The following ABCB5 variants were observed in gnomAD, a reference collection of about 807,000 sequenced individuals.
The protein encoded by ABCB5 is ATP-binding cassette sub-family B member 5.
A neutral mutation model predicts 144.2 loss-of-function variants in ABCB5; 155 were observed. The ratio of observed to expected loss-of-function variants is 1.08; its 90% CI spans 0.94 to 1.23. ABCB5 has a LOEUF of 1.23. Among genes scored for constraint, ABCB5 ranks in the 50% most tolerant of loss-of-function variants. The pLI, the probability that ABCB5 is intolerant of heterozygous loss-of-function variation, is 0.00. For synonymous variants in ABCB5, 610 were observed against 528.6 expected, an observed-to-expected ratio of 1.15 and a Z score of -2.11; for missense variants, 1,830 against 1,520.8, an observed-to-expected ratio of 1.20 and a Z score of -3.38.
Position 20,643,649 on chromosome 7 carries a change from A to G in ABCB5, c.678+17A>G. 6.2e-7 allele frequency: 1 copy of G among 1,612,720 alleles called. No individual in the cohort carries two copies. The highest frequency in any genetic ancestry group is 8.5e-7 in the Non-Finnish European group (1 of 1,178,992). On this transcript the variant is annotated intron_variant, in intron 7 of 27. Coordinates refer to ENST00000404938, the MANE Select transcript of ABCB5 (RefSeq NM_001163941.2). ...TGTTCTAGGGTAAGTGAGATGGCTA[A>G]TGCAATATTGAATGGAAGCAGCAGT...
chr7:20,755,834 T>C lies in ABCB5; in HGVS notation c.*210T>C, dbSNP rs955350744. ...TGCTTATTTCATGTAAGTGAAATAA[T>C]GCTTATATCCTTCACTTTATAAAAC... On this transcript the variant is annotated 3_prime_UTR_variant, in exon 28 of 28. Coordinates refer to ENST00000404938, the MANE Select transcript of ABCB5 (RefSeq NM_001163941.2). 5.5e-6 allele frequency: 3 copies of C among 545,146 alleles called. No individual in the cohort carries two copies. The highest frequency in any genetic ancestry group is 9.8e-6 in the Non-Finnish European group (3 of 307,598). The allele number at this position is 545,146 out of a possible 1,614,324, so 33.8% of individuals were successfully genotyped here.
intron 3 of ABCB5, 75 bp from the exon 4 acceptor site, chr7:20,628,613 T>TTGTGTGTG (rs3033483): frequency 2.2e-6 from 3 of 1,357,754 alleles, no homozygotes; most frequent in Non-Finnish European, 1.0e-6. Context: ...CTGTAGGCTG[T>TTGTGTGTG]TGTGTGTGTG....
intron 15 of ABCB5, among the ~76,000 whole-genome samples, chr7:20,684,372 C>T (rs907271357): frequency 1.7e-4 from 26 of 152,258 alleles, no homozygotes; most frequent in African/African-American, 5.8e-4. Flanking sequence ...CTTATTAAAG[C>T]ACCTTCTCAG....
At chr7:20,635,565 G>A (rs1407812195) in intron 5 of ABCB5, among the ~76,000 whole-genome samples, 1 of 151,928 alleles carries the variant, frequency 6.6e-6, no homozygotes, top group Admixed American at 6.6e-5. Flanking sequence ...CCATTTGTTT[G>A]TATCATCTGC....
intron 3 of ABCB5, among the ~76,000 whole-genome samples, chr7:20,627,275 G>C (rs1783930133): frequency 6.6e-6 from 1 of 152,038 alleles, no homozygotes; most frequent in African/African-American, 2.4e-5. Context: ...AGCAGAACAT[G>C]ACAAACTTTA....
intron 20 of ABCB5, among the ~76,000 whole-genome samples, chr7:20,720,818 C>G (rs1406126343): frequency 6.6e-6 from 1 of 151,396 alleles, no homozygotes; most frequent in Non-Finnish European, 1.5e-5. Context: ...GTGGTGCGCG[C>G]CTGTAGTCCC....
chr7:20,696,204 T>C (rs1389070922), intron 16 of ABCB5, among the ~76,000 whole-genome samples: 4 of 152,116 alleles, frequency 2.6e-5, no homozygotes, highest in African/African-American at 4.8e-5. Flanking sequence ...ATTTGTGAGA[T>C]AGCTATACAG....
chr7:20,640,184 A>G (rs1326574627), intron 5 of ABCB5, among the ~76,000 whole-genome samples: 2 of 152,186 alleles, frequency 1.3e-5, no homozygotes, highest in African/African-American at 4.8e-5. Context: ...TCTTACTAGA[A>G]AATACAGTAA....
Position 20,637,924 on chromosome 7 carries a change from G to A in ABCB5, c.315-5260G>A, listed in dbSNP as rs138475554. ...TGACTTTTGGAATCAGAAAGCTAAG[G>A]CCTCAAGGGTGGCTTCATTTCTTGA... On this transcript the variant is annotated intron_variant, in intron 5 of 27. Coordinates refer to ENST00000404938, the MANE Select transcript of ABCB5 (RefSeq NM_001163941.2). 9.2e-5 allele frequency among the ~76,000 whole-genome samples: 14 copies of A among 152,184 alleles called. No homozygotes were observed. The East Asian group carries it at 2.7e-3, about 29-fold the overall frequency.
chr7:20,745,173 C>T, intron 25 of ABCB5, 59 bp from the exon 26 acceptor site: 1 of 1,515,586 alleles, frequency 6.6e-7, no homozygotes, highest in East Asian at 2.3e-5. Flanking sequence ...ATACAGTGAA[C>T]TGTAACATGA....
rs765615515 is a variant in ABCB5, at chr7:20,685,737, T to A, written c.1911T>A (p.Tyr637Ter). Residue 637 changes from tyrosine (Y) to a stop codon, truncating the protein, a stop_gained, in exon 16 of 28, where the codon TAT becomes TAA. Transcript: ENST00000404938. LOFTEE classifies it high-confidence loss of function. ...ATGAACAGATGGAGTCAATGACATA[T>A]TCTACTGAAAGAAAGACCAACTCAC... Reference protein sequence around the residue: ...KADEQMESMTYSTERKTNSLP... With the variant: ...KADEQMESMT The A allele has an allele frequency of 1.2e-6, 2 of 1,612,856 alleles. No individual in the cohort carries two copies. Among genetic ancestry groups the A allele is most frequent in the East Asian group, 2.2e-5 (1 of 44,830 alleles).
intron 26 of ABCB5, among the ~76,000 whole-genome samples, chr7:20,751,505 A>T (rs1211583815): frequency 6.6e-6 from 1 of 152,174 alleles, no homozygotes; most frequent in Non-Finnish European, 1.5e-5. Flanking sequence ...AAAAAAATTA[A>T]AAAACCTTCA....
intron 14 of ABCB5, among the ~76,000 whole-genome samples, chr7:20,668,629 G>T (rs1455254222): frequency 6.9e-6 from 1 of 144,500 alleles, no homozygotes; most frequent in South Asian, 2.2e-4. Flanking sequence ...CAGCCGCCCC[G>T]TCCGGGAGGT....
rs778663199 is a variant in ABCB5, at chr7:20,700,155, T to A, written c.2337+20T>A. Reference sequence around the variant, plus strand: ...TATCAGGTCAGTGATAAGTTGATTTTTTTTTTATTTTATTTAAAATTTATT... The same window carrying A: ...TATCAGGTCAGTGATAAGTTGATTTATTTTTTATTTTATTTAAAATTTATT... On this transcript the variant is annotated intron_variant, in intron 19 of 27. Coordinates refer to ENST00000404938, the MANE Select transcript of ABCB5 (RefSeq NM_001163941.2). 6 of 1,546,756 alleles carry A rather than the reference T, an allele frequency of 3.9e-6. No individual in the cohort carries two copies. In the South Asian group the frequency reaches 6.2e-5, roughly 16 times the overall value.
chr7:20,751,897 T>C (rs147313931), intron 26 of ABCB5, among the ~76,000 whole-genome samples: 2 of 152,358 alleles, frequency 1.3e-5, no homozygotes, highest in African/African-American at 2.4e-5. Flanking sequence ...TCAGAGAAGA[T>C]ATTTTTACTA....
intron 14 of ABCB5, chr7:20,667,701 GCC>G (rs1562551002): frequency 6.9e-6 from 1 of 143,940 alleles, no homozygotes; most frequent in African/African-American, 2.6e-5. Context: ...CCCTGCCCCT[GCC>G]CCTGCCCCTG....
intron 17 of ABCB5, 100 bp from the exon 18 acceptor site, chr7:20,699,725 A>AT: frequency 1.4e-6 from 1 of 739,274 alleles, no homozygotes; most frequent in Non-Finnish European, 2.1e-6. Context: ...AAAAAAAAAA[A>AT]GAAATGTATT....
intron 16 of ABCB5, among the ~76,000 whole-genome samples, chr7:20,689,757 G>T (rs73263618): frequency 0.061 from 9,236 of 152,142 alleles, 820 homozygotes; most frequent in East Asian, 0.4. Flanking sequence ...ATGTCTTTGC[G>T]GCACCCTCTA....
chr7:20,749,395 ATTTTTTTTTT>A (rs34687757), intron 26 of ABCB5, among the ~76,000 whole-genome samples: 4 of 81,936 alleles, frequency 4.9e-5, no homozygotes, highest in South Asian at 8.5e-4. Context: ...TGCCTGCCTA[ATTTTTTTTTT>A]TTTTTTTTTT....
Sources: gnomAD v4.1 joint callset for allele counts (sites outside exome capture counted in the v4.1 genomes callset) on GRCh38, gnomAD v4.1.1 for gene constraint, MANE v1.5 for transcripts, NCBI Gene and HGNC (gene_info 2026-07-23, HGNC 2026-07-21) for gene names.